CDC42BPA: variants seen among roughly 807,000 people sequenced by gnomAD.
CDC42BPA encodes serine/threonine-protein kinase MRCK alpha.
CDC42BPA carries 80 observed loss-of-function variants against 223.5 expected under a neutral mutation model. The observed-to-expected ratio is 0.36, with a 90% CI of 0.30 to 0.43. The LOEUF is 0.43. Among genes scored for constraint, CDC42BPA ranks in the 20% least tolerant of loss-of-function variants. CDC42BPA has a pLI of 1.00. For synonymous variants in CDC42BPA, 694 were observed against 718.6 expected, an observed-to-expected ratio of 0.97 and a Z score of 0.55; for missense variants, 1,743 against 2,099.9, an observed-to-expected ratio of 0.83 and a Z score of 3.32.
chr1:227,235,721 A>C (rs953649507), intron 2 of CDC42BPA, among the ~76,000 whole-genome samples: 1 of 152,226 alleles, frequency 6.6e-6, no homozygotes, highest in Admixed American at 6.5e-5. Flanking sequence ...ACTTTCACAC[A>C]GACTAGCATT....
chr1:227,028,735 T>G lies in CDC42BPA; in HGVS notation c.4354A>C (p.Ile1452Leu). ...SKEYLLCFNS[I>L]GIYTDCQGRR... is the part of the protein sequence containing the mutation. ...CCCTGGCAGTCAGTGTATATCCCAA[T>G]GCTGTTAAAACACAGCAGATATTCT... The change falls in exon 30 of 37, where the codon ATT becomes CTT. Residue 1452 changes from isoleucine (I) to leucine (L), a missense_variant. By Grantham distance (5) the Ile-to-Leu change is conservative. Transcript: ENST00000366766. 1.2e-6 allele frequency: 2 copies of G among 1,613,988 alleles called. No homozygotes were observed. The highest frequency in any genetic ancestry group is 1.7e-6 in the Non-Finnish European group (2 of 1,179,884).
chr1:227,303,006 G>GTT (rs1691914165), intron 1 of CDC42BPA, among the ~76,000 whole-genome samples: 2 of 125,608 alleles, frequency 1.6e-5, no homozygotes, highest in East Asian at 2.6e-4. Context: ...GGTTTTTTTG[G>GTT]GTTTTTTTTT....
In CDC42BPA at chr1:227,163,016, GTA is replaced by G. The variant is rs1181306185; in HGVS notation, c.600-2382_600-2381del. Among the ~76,000 whole-genome samples the G allele has an allele frequency of 4.3e-3, 250 of 57,508 alleles. 4 individuals carry two copies. The highest frequency in any genetic ancestry group is 0.017 in the African/African-American group (230 of 13,788). The allele number at this position is 57,508 out of a possible 152,430, so 37.7% of individuals were successfully genotyped here. Reference sequence around the variant, plus strand: ...CAAACATGTGTATGTTTCCAAACGTGTATGTTTCCAAACATATGTGTTTCCAA... The same window carrying G: ...CAAACATGTGTATGTTTCCAAACGTGTGTTTCCAAACATATGTGTTTCCAA... On this transcript the variant is annotated intron_variant, in intron 5 of 36. Transcript: ENST00000366766.
chr1:227,168,547 G>C (rs1665532968), intron 5 of CDC42BPA, among the ~76,000 whole-genome samples: 1 of 124,432 alleles, frequency 8.0e-6, no homozygotes, highest in Admixed American at 1.0e-4. Flanking sequence ...CCAGGCTGGA[G>C]TGCAATGGTG....
chr1:227,304,610 A>G (rs567754835), intron 1 of CDC42BPA, among the ~76,000 whole-genome samples: 1 of 152,352 alleles, frequency 6.6e-6, no homozygotes, highest in South Asian at 2.1e-4. Flanking sequence ...CCCTGCATAT[A>G]ACAAGTATAA....
intron 17 of CDC42BPA, 83 bp from the exon 18 acceptor site, chr1:227,074,447 A>C: frequency 1.0e-6 from 1 of 982,552 alleles, no homozygotes; most frequent in Admixed American, 2.4e-5. Flanking sequence ...TCCTAAAGAA[A>C]TAAGTGGTAG....
chr1:227,185,773 T>G (rs1234826525), intron 5 of CDC42BPA, among the ~76,000 whole-genome samples: 3 of 150,050 alleles, frequency 2.0e-5, no homozygotes, highest in Non-Finnish European at 3.0e-5. Flanking sequence ...CTAATTCAAC[T>G]TAAGAGGAAG....
chr1:227,301,282 T>G (rs1321160272), intron 1 of CDC42BPA, among the ~76,000 whole-genome samples: 1 of 152,116 alleles, frequency 6.6e-6, no homozygotes, highest in East Asian at 1.9e-4. Context: ...GCTCCTCGAT[T>G]ACAGGACTTA....
rs763923399 is a variant in CDC42BPA at position 227,028,873 on chromosome 1, G to T, written c.4216C>A (p.Pro1406Thr). 1 of 1,613,642 alleles carries T rather than the reference G, an allele frequency of 6.2e-7. No homozygotes were observed. Among genetic ancestry groups the T allele is most frequent in the South Asian group, 1.1e-5 (1 of 91,028 alleles). Residue 1406 changes from proline (P) to threonine (T), a missense_variant, in exon 30 of 37, where the codon CCC (proline) becomes ACC (threonine). By Grantham distance (38) the Pro-to-Thr change is conservative. This residue lies in a region of CDC42BPA where 678 missense variants were observed against 777.5 expected (regional missense o/e 0.87). Transcript: ENST00000366766. ...VGFQSGFLRY[P>T]LNGEGNPYSM... ...TATGGATTTCCTTCTCCATTCAAGG[G>T]GTATCTTAGAAATCCTGACTGGAAT...
At chr1:227,089,874 T>A (rs1682762177) in intron 16 of CDC42BPA, among the ~76,000 whole-genome samples, 1 of 152,190 alleles carries the variant, frequency 6.6e-6, no homozygotes, top group Non-Finnish European at 1.5e-5. Context: ...TGATCTACAT[T>A]CAAGTTATTT....
chr1:227,133,047 A>T (rs1657586273), intron 10 of CDC42BPA, among the ~76,000 whole-genome samples: 1 of 149,712 alleles, frequency 6.7e-6, no homozygotes, highest in African/African-American at 2.5e-5. Context: ...GGTGGGGGTC[A>T]GCCCCCACCA....
chr1:227,044,763 T>C (rs1037650456), intron 23 of CDC42BPA, among the ~76,000 whole-genome samples: 5 of 152,234 alleles, frequency 3.3e-5, no homozygotes, highest in East Asian at 3.8e-4. Context: ...AAAATTTATA[T>C]GTAATGTCTA....
intron 1 of CDC42BPA, among the ~76,000 whole-genome samples, chr1:227,275,921 T>C (rs1686897080): frequency 6.6e-6 from 1 of 151,212 alleles, no homozygotes; most frequent in African/African-American, 2.4e-5. Flanking sequence ...TTGCCCAGGC[T>C]GGAGTGCAGT....
In CDC42BPA at chr1:227,221,119, T is replaced by C. The variant is rs565533152; in HGVS notation, c.271-7900A>G. ...CAATAACAACTGTCTAATTTCCAAA[T>C]AAATTGTTCTCAATTCTCATCTGCT... On this transcript the variant is annotated intron_variant, in intron 2 of 36. Coordinates refer to ENST00000366766, the MANE Select transcript of CDC42BPA (RefSeq NM_001394014.1). Among the ~76,000 whole-genome samples the C allele has an allele frequency of 5.9e-5, 9 of 152,334 alleles. No homozygotes were observed. The South Asian group carries it at 1.9e-3, about 32-fold the overall frequency.
chr1:227,036,493 A>G (rs1572399077), intron 24 of CDC42BPA, among the ~76,000 whole-genome samples: 1 of 139,592 alleles, frequency 7.2e-6, no homozygotes, highest in Admixed American at 8.1e-5. Flanking sequence ...CGGTGGTGCA[A>G]TCTCGGCTCA....
intron 6 of CDC42BPA, among the ~76,000 whole-genome samples, chr1:227,159,860 G>A (rs898446118): frequency 3.3e-5 from 5 of 151,714 alleles, no homozygotes; most frequent in Admixed American, 6.6e-5. Flanking sequence ...GAGTGAGGGG[G>A]TGGGAGACAG....
intron 1 of CDC42BPA, among the ~76,000 whole-genome samples, chr1:227,263,582 ATTTT>A (rs34757020): frequency 4.4e-5 from 6 of 135,126 alleles, no homozygotes; most frequent in Admixed American, 3.0e-4. Flanking sequence ...TTGAGAATCA[ATTTT>A]TTTTTTTTTT....
intron 1 of CDC42BPA, among the ~76,000 whole-genome samples, chr1:227,286,931 T>G (rs1688907070): frequency 6.6e-6 from 1 of 152,142 alleles, no homozygotes; most frequent in South Asian, 2.1e-4. Flanking sequence ...TCAGGCTCTT[T>G]TTAACAATCA....
chr1:227,034,614 A>G (rs1342701356), intron 26 of CDC42BPA, 41 bp downstream of exon 26: 2 of 1,537,302 alleles, frequency 1.3e-6, no homozygotes, highest in East Asian at 2.3e-5. Flanking sequence ...TAAAATTCCT[A>G]TGTTGCAATG....
Sources: gnomAD v4.1 joint callset for allele counts (sites outside exome capture counted in the v4.1 genomes callset) on GRCh38, gnomAD v4.1.1 for gene constraint, gnomAD v4.1.1 regional missense constraint, MANE v1.5 for transcripts, NCBI Gene and HGNC (gene_info 2026-07-23, HGNC 2026-07-21) for gene names.